Variants in TNIK observed in about 807,000 individuals in gnomAD.
TNIK encodes TRAF2 and NCK-interacting protein kinase.
In TNIK, 49 loss-of-function variants were observed where a neutral mutation model predicts 191.3. That is an observed-to-expected ratio of 0.26 (90% CI 0.20 to 0.32). TNIK has a LOEUF of 0.32. Ranked by LOEUF, TNIK falls within the 10% of genes least tolerant of loss-of-function variation. TNIK has a pLI of 1.00. For synonymous variants in TNIK, 594 were observed against 600.9 expected, an observed-to-expected ratio of 0.99 and a Z score of 0.17; for missense variants, 1,155 against 1,702.3, an observed-to-expected ratio of 0.68 and a Z score of 5.66.
intron 1 of TNIK, among the ~76,000 whole-genome samples, chr3:171,430,665 A>T (rs1725264445): frequency 6.7e-6 from 1 of 149,540 alleles, no homozygotes; most frequent in African/African-American, 2.4e-5. Context: ...AAAAAAAAGA[A>T]ATGAAATTAA....
At chr3:171,098,132 C>G (rs6772757) in intron 22 of TNIK, among the ~76,000 whole-genome samples, 75,940 of 151,868 alleles carry the variant, frequency 0.5, 20,114 homozygotes, top group East Asian at 0.69. Context: ...TAGAAAAAAG[C>G]GGAAATAAAA....
At chr3:171,081,675 G>A (rs1242206176) in intron 27 of TNIK, among the ~76,000 whole-genome samples, 1 of 149,890 alleles carries the variant, frequency 6.7e-6, no homozygotes, top group East Asian at 1.9e-4. Flanking sequence ...TTGTTACAAG[G>A]CCTTCACTTT....
chr3:171,309,830 C>T (rs1753831475), intron 2 of TNIK, among the ~76,000 whole-genome samples: 1 of 152,122 alleles, frequency 6.6e-6, no homozygotes, highest in South Asian at 2.1e-4. Context: ...CATCCTTAAA[C>T]TATTTTTCTT....
At chr3:171,254,175 C>T (rs2109095776) in intron 2 of TNIK, among the ~76,000 whole-genome samples, 1 of 152,244 alleles carries the variant, frequency 6.6e-6, no homozygotes, top group South Asian at 2.1e-4. Flanking sequence ...AAAGACCTTC[C>T]ATACCTCATT....
At chr3:171,132,117 T>C (rs1374505873) in intron 15 of TNIK, among the ~76,000 whole-genome samples, 2 of 152,142 alleles carry the variant, frequency 1.3e-5, no homozygotes, top group Non-Finnish European at 2.9e-5. Context: ...CAAGAAGACA[T>C]AAAATGCCAG....
rs3082367 is a variant in TNIK, at chr3:171,347,221, G to GAAAA, written c.123+22395_123+22398dup. 2,286 of 1,417,106 alleles carry GAAAA rather than the reference G, an allele frequency of 1.6e-3. 6 individuals carry two copies. The highest frequency in any genetic ancestry group is 0.015 in the African/African-American group (976 of 63,514). 87.8% of individuals were successfully genotyped at this position (1,417,106 alleles called of 1,614,324 possible). On this transcript the variant is annotated intron_variant, in intron 2 of 32. Coordinates refer to ENST00000436636, the MANE Select transcript of TNIK (RefSeq NM_015028.4). ...CCCTTCACTCACTGGTTCATTTGCT[G>GAAAA]AAAAAAAAAAAAAAAGAAAAGAAAA...
chr3:171,096,020 T>G (rs533656984), intron 22 of TNIK, among the ~76,000 whole-genome samples: 110 of 152,320 alleles, frequency 7.2e-4, no homozygotes, highest in Middle Eastern at 3.4e-3. Context: ...TTTTTCTTGC[T>G]CTTCTTTCTT....
intron 2 of TNIK, among the ~76,000 whole-genome samples, chr3:171,289,113 A>T (rs1751390275): frequency 6.6e-6 from 1 of 152,168 alleles, no homozygotes; most frequent in African/African-American, 2.4e-5. Flanking sequence ...AAGCTTCACA[A>T]ATAGCTCATT....
In TNIK at chr3:171,453,099, A is replaced by G. The variant is rs1006618099; in HGVS notation, c.57+6908T>C. ...ACTCTCTCTACATAGCACCACCTCC[A>G]GCCCTTCTAAAAGGGTTGCACAGTA... On this transcript the variant is annotated intron_variant, in intron 1 of 32. Transcript: ENST00000436636. 6.6e-5 allele frequency among the ~76,000 whole-genome samples: 10 copies of G among 152,228 alleles called. No homozygotes were observed. The South Asian group carries it at 8.3e-4, about 13-fold the overall frequency.
rs568822094 is a variant in TNIK at position 171,191,468 on chromosome 3, C to T, written c.418-681G>A. 3.9e-5 allele frequency among the ~76,000 whole-genome samples: 6 copies of T among 152,294 alleles called. No individual in the cohort carries two copies. The South Asian group carries it at 1.2e-3, about 32-fold the overall frequency. ...GGCCAGGCTGGTCTTGAACTCCTGACCTCAGGTGATCCATTCACTTCGGCC... is the reference window on the plus strand; with the variant it reads ...GGCCAGGCTGGTCTTGAACTCCTGATCTCAGGTGATCCATTCACTTCGGCC... On this transcript the variant is annotated intron_variant, in intron 5 of 32. Transcript: ENST00000436636.
At chr3:171,396,695 A>G (rs1336180465) in intron 1 of TNIK, among the ~76,000 whole-genome samples, 1 of 152,200 alleles carries the variant, frequency 6.6e-6, no homozygotes, top group Non-Finnish European at 1.5e-5. Flanking sequence ...CCTATCTTCT[A>G]AGAATTGAAA....
chr3:171,135,469 T>C (rs1729855542), intron 15 of TNIK, among the ~76,000 whole-genome samples: 1 of 152,212 alleles, frequency 6.6e-6, no homozygotes, highest in Non-Finnish European at 1.5e-5. Flanking sequence ...TCTCCTTCTA[T>C]CAACTAAATG....
chr3:171,392,701 C>T (rs953436178), intron 1 of TNIK, among the ~76,000 whole-genome samples: 4 of 148,896 alleles, frequency 2.7e-5, no homozygotes, highest in African/African-American at 5.0e-5. Flanking sequence ...ATCACTTGAA[C>T]CCAGAAGGTG....
chr3:171,271,448 G>A (rs553461405), intron 2 of TNIK, among the ~76,000 whole-genome samples: 1 of 152,080 alleles, frequency 6.6e-6, no homozygotes, highest in African/African-American at 2.4e-5. Flanking sequence ...AACTCACCTT[G>A]TGTGTCCTGT....
intron 2 of TNIK, among the ~76,000 whole-genome samples, chr3:171,327,530 A>G (rs577229046): frequency 6.6e-6 from 1 of 152,234 alleles, no homozygotes; most frequent in Admixed American, 6.5e-5. Context: ...CTGACTCTGG[A>G]GGCAACTCTG....
chr3:171,137,522 C>G (rs1730201260), intron 15 of TNIK, among the ~76,000 whole-genome samples: 1 of 152,170 alleles, frequency 6.6e-6, no homozygotes, highest in South Asian at 2.1e-4. Flanking sequence ...TGTTTGTTTG[C>G]TTTACCTGTC....
rs979325467 is a variant in TNIK, at chr3:171,062,035, G to A, written c.*1846C>T. On this transcript the variant is annotated 3_prime_UTR_variant, in exon 33 of 33. Transcript: ENST00000436636. ...AATAATGTAATCCAGAAACTAGAAT[G>A]TTTCCCCTTCTCTTCCCCATCTTGC... 4 of 152,052 alleles carry A rather than the reference G, an allele frequency of 2.6e-5. No homozygotes were observed. The highest frequency in any genetic ancestry group is 9.7e-5 in the African/African-American group (4 of 41,420). The allele number at this position is 152,052 out of a possible 1,614,324, so 9.4% of individuals were successfully genotyped here.
chr3:171,141,134 A>G (rs1378044875), intron 12 of TNIK, among the ~76,000 whole-genome samples: 2 of 152,192 alleles, frequency 1.3e-5, no homozygotes, highest in Non-Finnish European at 2.9e-5. Context: ...AGCCATCATC[A>G]TCATCATCGT....
At chr3:171,110,114 C>T (rs949099707) in intron 19 of TNIK, among the ~76,000 whole-genome samples, 1 of 152,162 alleles carries the variant, frequency 6.6e-6, no homozygotes, top group Admixed American at 6.5e-5. Context: ...CCATGTTAGT[C>T]AGGCTGATCT....
Sources: gnomAD v4.1 joint callset for allele counts (sites outside exome capture counted in the v4.1 genomes callset) on GRCh38, gnomAD v4.1.1 for gene constraint, MANE v1.5 for transcripts, NCBI Gene and HGNC (gene_info 2026-07-23, HGNC 2026-07-21) for gene names.